Variants in FMN1 observed in about 807,000 individuals in gnomAD.
FMN1 encodes the protein formin-1.
In FMN1, 110 loss-of-function variants were observed where a neutral mutation model predicts 132.4. The observed-to-expected ratio is 0.83, with a 90% CI of 0.71 to 0.97. FMN1 has a LOEUF of 0.97. Ranked by LOEUF, FMN1 falls within the 50% of genes least tolerant of loss-of-function variation. The pLI, the probability that FMN1 is intolerant of heterozygous loss-of-function variation, is 0.00. For synonymous variants in FMN1, 722 were observed against 651.7 expected (o/e 1.11, Z -1.64); for missense variants, 1,792 against 1,705.3 (o/e 1.05, Z -0.90).
chr15:33,192,959 A>AG (rs1966128881), intron 2 of FMN1, among the ~76,000 whole-genome samples: 1 of 152,188 alleles, frequency 6.6e-6, no homozygotes, highest in Non-Finnish European at 1.5e-5. Context: ...AAAATCACTG[A>AG]GCTAGTCAGT....
intron 4 of FMN1, chr15:33,150,221 A>T (rs1964388570): frequency 1.0e-6 from 1 of 985,314 alleles, no homozygotes; most frequent in African/African-American, 1.7e-5. Context: ...GCAAAACAGA[A>T]AGGAATCCTA....
At chr15:33,043,497 A>C (rs960908806) in intron 6 of FMN1, among the ~76,000 whole-genome samples, 3 of 152,180 alleles carry the variant, frequency 2.0e-5, no homozygotes, top group Admixed American at 6.5e-5. Context: ...CTGCGCAAGA[A>C]TCTCTCTAAA....
chr15:32,957,529 CG>C (rs939768985), intron 9 of FMN1, among the ~76,000 whole-genome samples: 1 of 151,852 alleles, frequency 6.6e-6, no homozygotes, highest in Non-Finnish European at 1.5e-5. Context: ...GTATCACTAA[CG>C]GAAGTTGTGG....
chr15:32,859,970 C>T (rs567588574), intron 16 of FMN1, among the ~76,000 whole-genome samples: 10 of 151,804 alleles, frequency 6.6e-5, no homozygotes, highest in Admixed American at 1.3e-4. Context: ...CCCAGGAGTT[C>T]GAGGCTGCAG....
chr15:32,879,851 G>A (rs1300481693), intron 16 of FMN1, among the ~76,000 whole-genome samples: 2 of 128,226 alleles, frequency 1.6e-5, no homozygotes, highest in East Asian at 4.7e-4. Flanking sequence ...TTTCATTGTG[G>A]GATTTTTTGT....
At chr15:32,805,352 G>GTTGT (rs1303236769) in intron 17 of FMN1, among the ~76,000 whole-genome samples, 1 of 152,064 alleles carries the variant, frequency 6.6e-6, no homozygotes, top group Non-Finnish European at 1.5e-5. Context: ...TTTCGATGGG[G>GTTGT]TTGTTTTTTT....
chr15:33,082,035 G>T (rs1329570498), intron 5 of FMN1, among the ~76,000 whole-genome samples: 3 of 138,098 alleles, frequency 2.2e-5, no homozygotes, highest in East Asian at 3.9e-4. Flanking sequence ...GTGTGTGTGT[G>T]TGTGTGTGTG....
chr15:32,945,661 A>G (rs1227153739), intron 9 of FMN1, among the ~76,000 whole-genome samples: 2 of 152,182 alleles, frequency 1.3e-5, no homozygotes, highest in Non-Finnish European at 2.9e-5. Context: ...TGTCTTTGAT[A>G]TGATAATCAT....
At chr15:33,043,360 C>T (rs1268197092) in intron 6 of FMN1, among the ~76,000 whole-genome samples, 3 of 152,228 alleles carry the variant, frequency 2.0e-5, no homozygotes, top group Non-Finnish European at 4.4e-5. Flanking sequence ...TCAAATGTAG[C>T]CAACTGTTCT....
chr15:33,121,858 T>C (rs1183970444), intron 4 of FMN1, among the ~76,000 whole-genome samples: 1 of 152,188 alleles, frequency 6.6e-6, no homozygotes, highest in African/African-American at 2.4e-5. Context: ...TTTGTTTGAA[T>C]TTTAGGAATT....
At chr15:32,785,104 CTT>C (rs1371702021) in intron 19 of FMN1, among the ~76,000 whole-genome samples, 1 of 143,104 alleles carries the variant, frequency 7.0e-6, no homozygotes, top group African/African-American at 2.6e-5. Flanking sequence ...AACCTGTTAA[CTT>C]TTGAGTAACT....
chr15:33,185,254 T>G (rs1965840431), intron 2 of FMN1, among the ~76,000 whole-genome samples: 1 of 152,188 alleles, frequency 6.6e-6, no homozygotes, highest in South Asian at 2.1e-4. Flanking sequence ...AGCCACCTGT[T>G]TAGGTGCCAT....
chr15:33,033,665 CATG>C lies in FMN1; in HGVS notation c.2162-25593_2162-25591del, dbSNP rs774724546. On this transcript the variant is annotated intron_variant, in intron 6 of 20. Transcript: ENST00000616417. ...ATCGTATTTGTCCCACCAGCTACCT[CATG>C]GTTTTTTTTTTTTGTTCCTTTGTAG... 2.4e-3 allele frequency among the ~76,000 whole-genome samples: 115 copies of C among 48,854 alleles called. 1 individual carries two copies. The highest frequency in any genetic ancestry group is 1.5e-3 in the Non-Finnish European group (27 of 17,818). 32.1% of individuals were successfully genotyped at this position (48,854 alleles called of 152,430 possible).
In FMN1 at chr15:32,969,401, T is replaced by C. The variant is rs1289282445; in HGVS notation, c.2300A>G (p.Glu767Gly). The C allele has an allele frequency of 6.2e-7, 1 of 1,613,908 alleles. No individual in the cohort carries two copies. Among genetic ancestry groups the C allele is most frequent in the Non-Finnish European group, 8.5e-7 (1 of 1,179,910 alleles). Residue 767 changes from glutamate (E) to glycine (G), a missense_variant, in exon 8 of 21, where the codon GAA becomes GGA. Around this residue, in one of 3 missense-constraint regions of FMN1, gnomAD observed 1,150 missense variants for 1,043.1 expected, o/e 1.10. Coordinates refer to ENST00000616417, the MANE Select transcript of FMN1 (RefSeq NM_001277313.2). Reference protein sequence around the residue: ...MITARLEETIENLKHELEHRW... With the variant: ...MITARLEETIGNLKHELEHRW... Reference sequence around the variant, plus strand: ...GTGTTCTAGCTCGTGTTTCAGATTTTCAATGGTTTCTTCTAGTCTCGCTGT... The same window carrying C: ...GTGTTCTAGCTCGTGTTTCAGATTTCCAATGGTTTCTTCTAGTCTCGCTGT...
At chr15:33,108,513 T>TA (rs202101092) in intron 4 of FMN1, among the ~76,000 whole-genome samples, 2,284 of 151,874 alleles carry the variant, frequency 0.015, 49 homozygotes, top group African/African-American at 0.053. Flanking sequence ...CATAATTCTC[T>TA]AACTCTGCTA....
chr15:33,128,159 G>A (rs549537892), intron 4 of FMN1, among the ~76,000 whole-genome samples: 16 of 147,090 alleles, frequency 1.1e-4, no homozygotes, highest in East Asian at 1.9e-4. Context: ...ACAGAAGTAG[G>A]ATGGAGAAAT....
chr15:33,140,426 AG>A (rs900673027), intron 4 of FMN1, among the ~76,000 whole-genome samples: 14 of 152,230 alleles, frequency 9.2e-5, no homozygotes, highest in Admixed American at 8.5e-4. Context: ...CCTGTTTTGA[AG>A]GGGTCTGCTC....
chr15:33,019,581 C>T (rs1307430740), intron 6 of FMN1, among the ~76,000 whole-genome samples: 2 of 152,174 alleles, frequency 1.3e-5, no homozygotes, highest in African/African-American at 4.8e-5. Flanking sequence ...CGGGGCGGTG[C>T]GAAACTCAGG....
At chr15:32,812,055 C>T (rs962084873) in intron 17 of FMN1, among the ~76,000 whole-genome samples, 8 of 151,510 alleles carry the variant, frequency 5.3e-5, no homozygotes, top group African/African-American at 1.7e-4. Context: ...AACAAAACCA[C>T]GAAATGGTAT....
Sources: gnomAD v4.1 joint callset for allele counts (sites outside exome capture counted in the v4.1 genomes callset) on GRCh38, gnomAD v4.1.1 for gene constraint, gnomAD v4.1.1 regional missense constraint, MANE v1.5 for transcripts, NCBI Gene and HGNC (gene_info 2026-07-23, HGNC 2026-07-21) for gene names.